MYO19: variants seen among roughly 807,000 people sequenced by gnomAD.
The protein encoded by MYO19 is unconventional myosin-XIX.
A neutral mutation model predicts 129.2 loss-of-function variants in MYO19; 132 were observed. The observed-to-expected ratio is 1.02, with a 90% CI of 0.89 to 1.18. The LOEUF is 1.18. Among genes scored for constraint, MYO19 ranks in the 50% most tolerant of loss-of-function variants. MYO19 has a pLI of 0.00. For missense variants in MYO19, 1,210 were observed against 1,216.7 expected, an observed-to-expected ratio of 0.99 and a Z score of 0.08; for synonymous variants, 531 against 477.2, an observed-to-expected ratio of 1.11 and a Z score of -1.47.
chr17:36,502,656 G>A (rs1207067011), intron 21 of MYO19, among the ~76,000 whole-genome samples: 2 of 152,094 alleles, frequency 1.3e-5, no homozygotes, highest in African/African-American at 4.8e-5. Context: ...ATAAAGTCCA[G>A]ATTCCTTGAT....
At chr17:36,508,157 C>T (rs2072052649) in intron 14 of MYO19, 2 of 385,840 alleles carry the variant, frequency 5.2e-6, no homozygotes, top group Non-Finnish European at 9.2e-6. Flanking sequence ...AAGCAGGAAA[C>T]CCAAATGAAG....
upstream of MYO19, chr17:36,537,496 TC>T: frequency 6.2e-7 from 1 of 1,614,210 alleles, no homozygotes; most frequent in East Asian, 2.2e-5. Context: ...ATCTCCTGTT[TC>T]CGTGTAATTA....
intron 1 of MYO19, chr17:36,543,121 C>T (rs1474419199): frequency 6.6e-6 from 1 of 152,134 alleles, no homozygotes; most frequent in Non-Finnish European, 1.5e-5. Flanking sequence ...CAAGCTAATA[C>T]TCACTCTTCT....
In MYO19 at chr17:36,524,321, A is replaced by T. The variant is rs867055653; in HGVS notation, c.414+907T>A. Among the ~76,000 whole-genome samples, 30 of 152,292 alleles carry T rather than the reference A, an allele frequency of 2.0e-4. 1 individual carries two copies. The highest frequency in any genetic ancestry group is 3.4e-3 in the Middle Eastern group (1 of 292). Reference sequence around the variant, plus strand: ...ATTTTTCATCCCCCTGCCACCCCTCAGTGCCCAGCCAGAAGCCTAGAACCT... The same window carrying T: ...ATTTTTCATCCCCCTGCCACCCCTCTGTGCCCAGCCAGAAGCCTAGAACCT... On this transcript the variant is annotated intron_variant, in intron 6 of 25. Transcript: ENST00000614623.
intron 15 of MYO19, 109 bp downstream of exon 15, chr17:36,507,694 T>G (rs1044795907): frequency 6.7e-6 from 9 of 1,352,114 alleles, no homozygotes; most frequent in African/African-American, 5.9e-5. Flanking sequence ...AAAAATAAAA[T>G]AAGAAGGAAC....
chr17:36,536,077 G>C (rs539311813), upstream of MYO19, among the ~76,000 whole-genome samples: 60 of 152,146 alleles, frequency 3.9e-4, no homozygotes, highest in Non-Finnish European at 7.9e-4. Flanking sequence ...TGTTCTTCCA[G>C]TATGCCGTTT....
At chr17:36,525,001 C>T (rs2142320076) in intron 6 of MYO19, among the ~76,000 whole-genome samples, 1 of 152,340 alleles carries the variant, frequency 6.6e-6, no homozygotes, top group South Asian at 2.1e-4. Flanking sequence ...ATTCCTATTT[C>T]ACCCAGGGTG....
chr17:36,495,728 TAATAA>T lies in MYO19; in HGVS notation c.*518_*522del. 2 of 1,247,724 alleles carry T rather than the reference TAATAA, an allele frequency of 1.6e-6. No homozygotes were observed. Among genetic ancestry groups the T allele is most frequent in the Non-Finnish European group, 2.0e-6 (2 of 997,378 alleles). 77.3% of individuals were successfully genotyped at this position (1,247,724 alleles called of 1,614,324 possible). On this transcript the variant is annotated 3_prime_UTR_variant, in exon 26 of 26. Transcript: ENST00000614623. ...ATATGGAGTTAAACTTGGTCAGTGT[TAATAA>T]AATCAAAACGTGATTCTACTGTACA...
chr17:36,537,209 AG>A (rs1490471223), upstream of MYO19: 2 of 1,614,042 alleles, frequency 1.2e-6, no homozygotes, highest in Non-Finnish European at 1.7e-6. Flanking sequence ...TCCTGTGCAG[AG>A]GGTTCCTGAT....
chr17:36,495,940 C>A lies in MYO19; in HGVS notation c.*311G>T. 2 of 1,024,126 alleles carry A rather than the reference C, an allele frequency of 2.0e-6. No individual in the cohort carries two copies. The highest frequency in any genetic ancestry group is 4.8e-5 in the South Asian group (1 of 20,952). The allele number at this position is 1,024,126 out of a possible 1,614,324, so 63.4% of individuals were successfully genotyped here. ...AAAGTGCTTATGTGGAATTGGGATCCCCAGTGTAGTGACAGACAGTCATGA... is the reference window on the plus strand; with the variant it reads ...AAAGTGCTTATGTGGAATTGGGATCACCAGTGTAGTGACAGACAGTCATGA... On this transcript the variant is annotated 3_prime_UTR_variant, in exon 26 of 26. Transcript: ENST00000614623.
chr17:36,502,362 C>T (rs914924671), intron 21 of MYO19, among the ~76,000 whole-genome samples: 1 of 152,194 alleles, frequency 6.6e-6, no homozygotes, highest in African/African-American at 2.4e-5. Context: ...TCTTCAGCCT[C>T]CCTGAACCTC....
At chr17:36,544,751 CG>C (rs1365858571), upstream of MYO19, 1 of 154,184 alleles carries the variant, frequency 6.5e-6, no homozygotes, top group Non-Finnish European at 1.4e-5. Flanking sequence ...AGAAGGGCGC[CG>C]GGCCCACGGG....
At chr17:36,536,617 C>T (rs997752770), upstream of MYO19, among the ~76,000 whole-genome samples, 1 of 148,720 alleles carries the variant, frequency 6.7e-6, no homozygotes, top group African/African-American at 2.4e-5. Context: ...CCGGTTCAAC[C>T]GATTCTCCTG....
rs933894599 is a variant in MYO19, at chr17:36,496,028, T to G, written c.*223A>C. Reference sequence around the variant, plus strand: ...GGCCCTGATGTTTCTTAACCCTGATTTGGTAACTACCAGCCCTGACACCAT... The same window carrying G: ...GGCCCTGATGTTTCTTAACCCTGATGTGGTAACTACCAGCCCTGACACCAT... On this transcript the variant is annotated 3_prime_UTR_variant, in exon 26 of 26. Coordinates refer to ENST00000614623, the MANE Select transcript of MYO19 (RefSeq NM_001163735.2). 11 of 786,004 alleles carry G rather than the reference T, an allele frequency of 1.4e-5. No individual in the cohort carries two copies. In the African/African-American group the frequency reaches 1.7e-4, roughly 12 times the overall value. The allele number at this position is 786,004 out of a possible 1,614,324, so 48.7% of individuals were successfully genotyped here. A position where few individuals can be genotyped will look rare whatever the true frequency, so the allele number is the denominator to read the frequency against.
upstream of MYO19, chr17:36,537,215 C>G (rs759040537): frequency 6.2e-7 from 1 of 1,614,140 alleles, no homozygotes; most frequent in Non-Finnish European, 8.5e-7. Context: ...GCAGAGGGTT[C>G]CTGATCATTT....
intron 11 of MYO19, among the ~76,000 whole-genome samples, chr17:36,511,981 A>G (rs976084316): frequency 1.3e-5 from 2 of 151,984 alleles, no homozygotes; most frequent in African/African-American, 4.8e-5. Flanking sequence ...TTTGTACTCA[A>G]TGTTCCACAC....
At chr17:36,541,913 C>G (rs2074199616) in intron 2 of MYO19, among the ~76,000 whole-genome samples, 1 of 152,170 alleles carries the variant, frequency 6.6e-6, no homozygotes, top group Non-Finnish European at 1.5e-5. Flanking sequence ...GGAAGATGCA[C>G]AGTGAAAACT....
Position 36,496,348 on chromosome 17 carries a change from T to A in MYO19, c.2816A>T (p.Glu939Val), listed in dbSNP as rs749684764. Residue 939 changes from glutamate to valine, a missense_variant, in exon 26 of 26, where the codon GAA (glutamate) becomes GTA (valine). By Grantham distance (121) the Glu-to-Val change is moderately radical (BLOSUM62 -2). Coordinates refer to ENST00000614623, the MANE Select transcript of MYO19 (RefSeq NM_001163735.2). Reference protein sequence around the residue: ...SPLRYADICPEPSPYSITGFN... With the variant: ...SPLRYADICPVPSPYSITGFN... ...GCCTGTAATGCTGTAGGGTGAAGGT[T>A]CAGGGCAGATGTCAGCATACCGCAG... The A allele has an allele frequency of 1.2e-6, 2 of 1,613,982 alleles. No individual in the cohort carries two copies. The highest frequency in any genetic ancestry group is 1.7e-6 in the Non-Finnish European group (2 of 1,179,886).
rs749528571 is a variant in MYO19, at chr17:36,513,666, G to A, written c.780C>T (p.Ala260=). The change falls in exon 10 of 26, where the codon GCC becomes GCT. Residue 260 remains alanine (A), a synonymous_variant. Coordinates refer to ENST00000614623, the MANE Select transcript of MYO19 (RefSeq NM_001163735.2). ...TCTCTGGGTTGGGCAGCCAGGAGAA[G>A]GCAGCTCCCTCAGGAAGGTGCCACT... ...RLQWHLPEGA[A]FSWLPNPERS... 54 of 1,613,868 alleles carry A rather than the reference G, an allele frequency of 3.3e-5. No homozygotes were observed. In the African/African-American group the frequency reaches 6.3e-4, roughly 19 times the overall value.
Sources: gnomAD v4.1 joint callset for allele counts (sites outside exome capture counted in the v4.1 genomes callset) on GRCh38, gnomAD v4.1.1 for gene constraint, MANE v1.5 for transcripts, NCBI Gene and HGNC (gene_info 2026-07-23, HGNC 2026-07-21) for gene names.